Variants in TAF11L12 observed in about 807,000 individuals in gnomAD.
The protein encoded by TAF11L12 is TATA-box binding protein associated factor 11 like 12.
the TAF11L12 span, chr5:17,611,210 CAG>C: frequency 1.7e-3 from 673 of 398,282 alleles, 18 homozygotes; most frequent in Non-Finnish European, 2.5e-3. Flanking sequence ...AGACAGAAAA[CAG>C]ATACCAAGGG....
At chr5:17,612,037 T>A (rs970131995), downstream of TAF11L12, among the ~76,000 whole-genome samples, 3 of 151,568 alleles carry the variant, frequency 2.0e-5, no homozygotes, top group African/African-American at 7.3e-5. Flanking sequence ...TCAATGCTCA[T>A]ATGTATTTGT....
downstream of TAF11L12, among the ~76,000 whole-genome samples, chr5:17,611,918 T>A (rs916023487): frequency 2.0e-5 from 3 of 151,282 alleles, no homozygotes; most frequent in African/African-American, 7.3e-5. Context: ...ATTTGTACGG[T>A]TTCATTCTGA....
In TAF11L12 at chr5:17,610,896, T is replaced by C. The variant is rs564303972; in HGVS notation, c.-94T>C. 28 of 396,526 alleles carry C rather than the reference T, an allele frequency of 7.1e-5. No individual in the cohort carries two copies. Among genetic ancestry groups the C allele is most frequent in the Non-Finnish European group, 2.2e-5 (5 of 225,020 alleles). The allele number at this position is 396,526 out of a possible 1,614,324, so 24.6% of individuals were successfully genotyped here. ...GCAGAAACACAGCAGCTCAACTCTTTGAAAGGTTCTCATTGCAGATCCATA... is the reference window on the plus strand; with the variant it reads ...GCAGAAACACAGCAGCTCAACTCTTCGAAAGGTTCTCATTGCAGATCCATA... On this transcript the variant is annotated 5_prime_UTR_variant, in exon 1 of 1. Coordinates refer to ENST00000503184, the Ensembl canonical transcript of TAF11L12.
At chr5:17,610,982 T>A (rs557670599) in exon 1 of TAF11L12, 2 of 397,794 alleles carry the variant, frequency 5.0e-6, no homozygotes, top group South Asian at 1.3e-4. Flanking sequence ...CAGACTTGAA[T>A]CTCACCCATG....
In TAF11L12 at chr5:17,610,982, T is replaced by C. The variant is rs557670599; in HGVS notation, c.-8T>C. ...GCTGCTGTCACGGAGCAGACTTGAA[T>C]CTCACCCATGGAGACAGGCAGGCAA... is the stretch of plus-strand genomic sequence containing the variant. On this transcript the variant is annotated 5_prime_UTR_variant, in exon 1 of 1. Transcript: ENST00000503184. 25 of 397,676 alleles carry C rather than the reference T, an allele frequency of 6.3e-5. 1 individual carries two copies. Among genetic ancestry groups the C allele is most frequent in the East Asian group, 1.4e-4 (4 of 28,044 alleles). 24.6% of individuals were successfully genotyped at this position (397,676 alleles called of 1,614,324 possible).
chr5:17,611,008 A>G, exon 1 of TAF11L12: 1 of 397,934 alleles, frequency 2.5e-6, no homozygotes. Context: ...AGGCAGGCAA[A>G]GAGGTGCGTC....
Position 17,611,120 on chromosome 5 carries a change from G to C in TAF11L12, c.131G>C (p.Ser44Thr), listed in dbSNP as rs535096661. 8 of 397,876 alleles carry C rather than the reference G, an allele frequency of 2.0e-5. 1 individual carries two copies. The highest frequency in any genetic ancestry group is 4.4e-5 in the Admixed American group (1 of 22,622). The allele number at this position is 397,876 out of a possible 1,614,324, so 24.6% of individuals were successfully genotyped here. ...TTGGAAGAACCCAGGGATCAGGAAA[G>C]TGAGCTCAGAAGTCAGGATGTCATG... is the stretch of plus-strand genomic sequence containing the variant. The change falls in exon 1 of 1, where the codon AGT becomes ACT. Residue 44 changes from serine (S) to threonine (T), a missense_variant. Ser to Thr is a moderately conservative substitution (Grantham distance 58, BLOSUM62 1). Transcript: ENST00000503184.
At chr5:17,611,021 C>T (rs1352488285) in exon 1 of TAF11L12, 5 of 397,774 alleles carry the variant, frequency 1.3e-5, no homozygotes, top group Non-Finnish European at 2.2e-5. Flanking sequence ...GGTGCGTCTG[C>T]TGAGATGTTC....
At chr5:17,610,919 A>G in exon 1 of TAF11L12, 1 of 397,238 alleles carries the variant, frequency 2.5e-6, no homozygotes, top group Non-Finnish European at 4.4e-6. Flanking sequence ...TTGCAGATCC[A>G]TAATCGAACC....
At chr5:17,611,632 T>C, downstream of TAF11L12, 1 of 397,822 alleles carries the variant, frequency 2.5e-6, no homozygotes, top group Non-Finnish European at 4.4e-6. Context: ...AAGTATCGCA[T>C]TCATCTTCCA....
downstream of TAF11L12, chr5:17,611,721 T>A (rs1739279765): frequency 2.5e-6 from 1 of 394,484 alleles, no homozygotes; most frequent in South Asian, 1.4e-4. Flanking sequence ...TCTGAAACTG[T>A]GAAGTTGACC....
chr5:17,611,083 C>T (rs1314924957), exon 1 of TAF11L12: 1 of 397,828 alleles, frequency 2.5e-6, no homozygotes, highest in Non-Finnish European at 4.4e-6. Flanking sequence ...CCCTGAGGAC[C>T]TAGATGGGAA....
exon 1 of TAF11L12, chr5:17,611,395 A>C (rs1002898857): frequency 1.5e-5 from 6 of 397,832 alleles, no homozygotes; most frequent in African/African-American, 1.2e-4. Context: ...GGTGTCTGAG[A>C]ACACCGCCAT....
At chr5:17,611,592 C>A (rs1243047620), downstream of TAF11L12, 6 of 398,066 alleles carry the variant, frequency 1.5e-5, no homozygotes, top group East Asian at 2.1e-4. Context: ...AAGCCCAAGG[C>A]CAGAGGGAAG....
chr5:17,611,263 C>T, the TAF11L12 span: 1 of 398,034 alleles, frequency 2.5e-6, no homozygotes, highest in East Asian at 3.6e-5. Flanking sequence ...AGAGGAGGCT[C>T]AGATGACAAC....
chr5:17,610,886 C>A lies in TAF11L12; in HGVS notation c.-104C>A, dbSNP rs967551472. 1.3e-5 allele frequency: 5 copies of A among 396,232 alleles called. 1 individual carries two copies. The highest frequency in any genetic ancestry group is 1.0e-4 in the African/African-American group (5 of 48,212). The allele number at this position is 396,232 out of a possible 1,614,324, so 24.5% of individuals were successfully genotyped here. A position where few individuals can be genotyped will look rare whatever the true frequency, so the allele number is the denominator to read the frequency against. On this transcript the variant is annotated 5_prime_UTR_variant, in exon 1 of 1. Transcript: ENST00000503184. Reference sequence around the variant, plus strand: ...AACTGGCACAGCAGAAACACAGCAGCTCAACTCTTTGAAAGGTTCTCATTG... The same window carrying A: ...AACTGGCACAGCAGAAACACAGCAGATCAACTCTTTGAAAGGTTCTCATTG...
downstream of TAF11L12, chr5:17,611,650 G>A (rs1579619135): frequency 2.5e-6 from 1 of 397,358 alleles, no homozygotes; most frequent in Admixed American, 4.4e-5. Flanking sequence ...CCAATGACAG[G>A]ACTGCATTTG....
chr5:17,611,602 G>A (rs1561010466), downstream of TAF11L12: 11 of 398,078 alleles, frequency 2.8e-5, 1 homozygote, highest in East Asian at 2.1e-4. Flanking sequence ...CCAGAGGGAA[G>A]GGTCTGTTTG....
exon 1 of TAF11L12, chr5:17,611,420 T>G (rs1739274559): frequency 7.5e-6 from 3 of 397,976 alleles, no homozygotes; most frequent in Admixed American, 4.4e-5. Context: ...ATGGCTGGAA[T>G]AGCTAAGGTC....
Sources: gnomAD v4.1 joint callset for allele counts (sites outside exome capture counted in the v4.1 genomes callset) on GRCh38, gnomAD v4.1.1 for gene constraint, MANE v1.5 for transcripts, NCBI Gene and HGNC (gene_info 2026-07-23, HGNC 2026-07-21) for gene names.